REL: variants seen among roughly 807,000 people sequenced by gnomAD.
The protein encoded by REL is proto-oncogene c-Rel.
REL carries 15 observed loss-of-function variants against 45.9 expected under a neutral mutation model. The ratio of observed to expected loss-of-function variants is 0.33; its 90% CI spans 0.22 to 0.50. REL has a LOEUF of 0.50. Among genes scored for constraint, REL ranks in the 20% least tolerant of loss-of-function variants. The pLI is 0.98. For synonymous variants in REL, 239 were observed against 242.1 expected, an observed-to-expected ratio of 0.99 and a Z score of 0.12; for missense variants, 601 against 715.2, an observed-to-expected ratio of 0.84 and a Z score of 1.82.
At position 60,926,133 on chromosome 2, in the gene REL, A is replaced by C; in HGVS notation, c.*3598A>C. 4.3e-6 allele frequency: 1 copy of C among 231,462 alleles called. No homozygotes were observed. Among genetic ancestry groups the C allele is most frequent in the African/African-American group, 2.2e-5 (1 of 45,274 alleles). 14.3% of individuals were successfully genotyped at this position (231,462 alleles called of 1,614,324 possible). A position where few individuals can be genotyped will look rare whatever the true frequency, so the allele number is the denominator to read the frequency against. Reference sequence around the variant, plus strand: ...TTTCTGAACTCTACTTGTGCACTGGATCCCTCCTCCTTTCTCTGCCAGGCT... The same window carrying C: ...TTTCTGAACTCTACTTGTGCACTGGCTCCCTCCTCCTTTCTCTGCCAGGCT... On this transcript the variant is annotated 3_prime_UTR_variant, in exon 10 of 10. Transcript: ENST00000394479.
intron 4 of REL, among the ~76,000 whole-genome samples, chr2:60,904,274 C>T (rs185506683): frequency 5.3e-5 from 8 of 151,984 alleles, no homozygotes; most frequent in South Asian, 2.1e-4. Context: ...TGGTGGCACG[C>T]GCCTGTAGTC....
intron 4 of REL, among the ~76,000 whole-genome samples, chr2:60,905,040 C>A (rs1673604668): frequency 6.6e-6 from 1 of 152,120 alleles, no homozygotes; most frequent in South Asian, 2.1e-4. Flanking sequence ...GGGGAAGGAA[C>A]AATCCTGCCA....
In REL at chr2:60,881,766, CCTGA is replaced by C. The variant is rs557835201; in HGVS notation, c.-63_-60del. On this transcript the variant is annotated 5_prime_UTR_variant, in exon 1 of 10. Coordinates refer to ENST00000394479, the MANE Select transcript of REL (RefSeq NM_001291746.2). Reference sequence around the variant, plus strand: ...CCCGCCGGCAGAGGTCCCTCGGCCTCCTGACTGACTGACTGCGGCCGCCTCCGGC... The same window carrying C: ...CCCGCCGGCAGAGGTCCCTCGGCCTCCTGACTGACTGCGGCCGCCTCCGGC... The C allele has an allele frequency of 4.0e-3, 5,736 of 1,434,222 alleles. 26 individuals are homozygous for C. Among genetic ancestry groups the C allele is most frequent in the Middle Eastern group, 0.016 (68 of 4,128 alleles). 88.8% of individuals were successfully genotyped at this position (1,434,222 alleles called of 1,614,324 possible).
Position 60,928,102 on chromosome 2 carries a change from G to C in REL, c.*5567G>C, listed in dbSNP as rs893348752. The C allele has an allele frequency of 3.3e-5, 6 of 180,794 alleles. No homozygotes were observed. Among genetic ancestry groups the C allele is most frequent in the Non-Finnish European group, 7.0e-5 (6 of 85,872 alleles). The allele number at this position is 180,794 out of a possible 1,614,324, so 11.2% of individuals were successfully genotyped here. A position where few individuals can be genotyped will look rare whatever the true frequency, so the allele number is the denominator to read the frequency against. On this transcript the variant is annotated 3_prime_UTR_variant, in exon 10 of 10. Coordinates refer to ENST00000394479, the MANE Select transcript of REL (RefSeq NM_001291746.2). ...GGAGGCCGAGGTAGGGGGATTGCTT[G>C]AGCCCAGGAGTTCAAGACTAGCCTG...
chr2:60,908,621 A>G (rs1673724934), intron 4 of REL, among the ~76,000 whole-genome samples: 1 of 152,236 alleles, frequency 6.6e-6, no homozygotes, highest in African/African-American at 2.4e-5. Flanking sequence ...ATTTGTAATT[A>G]TATATCATTT....
chr2:60,903,319 C>T (rs572998196), intron 4 of REL, among the ~76,000 whole-genome samples: 39 of 152,332 alleles, frequency 2.6e-4, no homozygotes, highest in African/African-American at 8.9e-4. Flanking sequence ...GGTTCCTTGA[C>T]TCCAGTGGTA....
At position 60,925,295 on chromosome 2, in the gene REL, G is replaced by A. The variant is rs569137169; in HGVS notation, c.*2760G>A. The A allele has an allele frequency of 9.1e-4, 176 of 194,106 alleles. No individual in the cohort carries two copies. The highest frequency in any genetic ancestry group is 3.9e-3 in the African/African-American group (169 of 43,246). The allele number at this position is 194,106 out of a possible 1,614,324, so 12.0% of individuals were successfully genotyped here. A position where few individuals can be genotyped will look rare whatever the true frequency, so the allele number is the denominator to read the frequency against. Reference sequence around the variant, plus strand: ...GTTTCGGTCAAATAGAAAAATGTGTGAATGCCATAAAAACAAAAATTCTCA... The same window carrying A: ...GTTTCGGTCAAATAGAAAAATGTGTAAATGCCATAAAAACAAAAATTCTCA... On this transcript the variant is annotated 3_prime_UTR_variant, in exon 10 of 10. Transcript: ENST00000394479.
At chr2:60,905,187 C>T (rs556402453) in intron 4 of REL, among the ~76,000 whole-genome samples, 8 of 152,310 alleles carry the variant, frequency 5.3e-5, no homozygotes, top group South Asian at 2.1e-4. Context: ...CTCCGCCTCC[C>T]GGGTTCACAC....
intron 5 of REL, among the ~76,000 whole-genome samples, chr2:60,917,820 G>A (rs938691460): frequency 6.6e-6 from 1 of 151,900 alleles, no homozygotes. Flanking sequence ...TATAAAGGAA[G>A]CATGAAAGTT....
chr2:60,918,356 T>C (rs1674039955), intron 6 of REL, 38 bp from the exon 7 acceptor site: 1 of 1,577,574 alleles, frequency 6.3e-7, no homozygotes. Flanking sequence ...AGTTACTTTG[T>C]TTTCCCATTT....
intron 4 of REL, among the ~76,000 whole-genome samples, chr2:60,902,187 A>G (rs1673517294): frequency 6.6e-6 from 1 of 152,194 alleles, no homozygotes; most frequent in Non-Finnish European, 1.5e-5. Flanking sequence ...TTTTTCCTGG[A>G]TGTATAAAAA....
chr2:60,881,612 C>G lies in REL; in HGVS notation c.-229C>G. 1 of 519,868 alleles carries G rather than the reference C, an allele frequency of 1.9e-6. No individual in the cohort carries two copies. The highest frequency in any genetic ancestry group is 2.3e-5 in the South Asian group (1 of 42,862). The allele number at this position is 519,868 out of a possible 1,614,324, so 32.2% of individuals were successfully genotyped here. A position where few individuals can be genotyped will look rare whatever the true frequency, so the allele number is the denominator to read the frequency against. On this transcript the variant is annotated 5_prime_UTR_variant, in exon 1 of 10. Transcript: ENST00000394479. The stretch of plus-strand genomic sequence containing the variant: ...CGCTCCGCCCCCTGCCCCTGGCTCC[C>G]GTACGGTGGACGGCGACGCTGGGTG...
intron 5 of REL, among the ~76,000 whole-genome samples, chr2:60,917,526 A>AT (rs1674007704): frequency 2.0e-5 from 2 of 100,544 alleles, no homozygotes; most frequent in African/African-American, 3.6e-5. Context: ...ATTTTTTTTT[A>AT]TTGGTTTTTT....
chr2:60,896,969 A>G (rs192061453), intron 3 of REL, among the ~76,000 whole-genome samples: 19 of 152,366 alleles, frequency 1.2e-4, no homozygotes, highest in Non-Finnish European at 2.4e-4. Flanking sequence ...ATTTTGGGCA[A>G]GAAATCTATA....
At chr2:60,911,816 T>C (rs1673822437) in intron 4 of REL, among the ~76,000 whole-genome samples, 1 of 151,694 alleles carries the variant, frequency 6.6e-6, no homozygotes, top group Admixed American at 6.6e-5. Flanking sequence ...CTGGCCAAGA[T>C]GATGAAACCC....
At chr2:60,914,661 A>T (rs1016180536) in intron 4 of REL, among the ~76,000 whole-genome samples, 1 of 152,032 alleles carries the variant, frequency 6.6e-6, no homozygotes, top group Non-Finnish European at 1.5e-5. Flanking sequence ...TCAGTTCCCT[A>T]CCCTGCCTCT....
chr2:60,919,668 A>G (rs191740600), intron 7 of REL, among the ~76,000 whole-genome samples: 19 of 151,472 alleles, frequency 1.3e-4, no homozygotes, highest in Admixed American at 2.6e-4. Context: ...CAGGTGATTC[A>G]CCCACCTCAG....
chr2:60,896,179 T>G (rs1000451558), intron 3 of REL, among the ~76,000 whole-genome samples: 1 of 152,104 alleles, frequency 6.6e-6, no homozygotes, highest in African/African-American at 2.4e-5. Flanking sequence ...AATTTTTTGG[T>G]ATTTAAACCA....
chr2:60,901,288 A>G (rs1401407081), intron 4 of REL, among the ~76,000 whole-genome samples: 1 of 150,638 alleles, frequency 6.6e-6, no homozygotes, highest in Admixed American at 6.7e-5. Context: ...CAGCCTCCGG[A>G]GTAGCTGGGA....
Sources: allele counts gnomAD v4.1 joint callset (sites outside exome capture counted in the v4.1 genomes callset), GRCh38; gene constraint gnomAD v4.1.1; transcripts MANE v1.5; gene names NCBI Gene and HGNC (gene_info 2026-07-23, HGNC 2026-07-21).